Variants in PDE4B observed in about 807,000 individuals in gnomAD.
The protein encoded by PDE4B is phosphodiesterase 4B.
In PDE4B, 20 loss-of-function variants were observed where a neutral mutation model predicts 82.2. The observed-to-expected ratio is 0.24, with a 90% CI of 0.17 to 0.35. The LOEUF (loss-of-function observed/expected upper bound fraction) is 0.35. PDE4B is among the 10% of genes least tolerant of loss of function. PDE4B has a pLI of 1.00. For synonymous variants in PDE4B, 320 were observed against 318.9 expected (o/e 1.00, Z -0.04); for missense variants, 655 against 907.2 (o/e 0.72, Z 3.57).
chr1:66,119,252 C>T (rs1645659489), intron 3 of PDE4B, among the ~76,000 whole-genome samples: 1 of 152,162 alleles, frequency 6.6e-6, no homozygotes, highest in South Asian at 2.1e-4. Context: ...CGGAAGACCT[C>T]TTTACCACGT....
intron 3 of PDE4B, among the ~76,000 whole-genome samples, chr1:66,010,538 TATC>T (rs1227548797): frequency 1.3e-5 from 2 of 151,536 alleles, no homozygotes; most frequent in Non-Finnish European, 1.5e-5. Flanking sequence ...AGTCAGATAA[TATC>T]ATACATAATG....
intron 3 of PDE4B, among the ~76,000 whole-genome samples, chr1:66,216,246 C>G (rs1650446691): frequency 6.6e-6 from 1 of 150,576 alleles, no homozygotes; most frequent in Non-Finnish European, 1.5e-5. Flanking sequence ...TTAAAATATC[C>G]TATCTATTTC....
At chr1:66,067,630 C>T (rs989348057) in intron 3 of PDE4B, among the ~76,000 whole-genome samples, 4 of 152,124 alleles carry the variant, frequency 2.6e-5, no homozygotes, top group Middle Eastern at 3.4e-3. Flanking sequence ...TTCTCCCATT[C>T]TGTAGGTTGC....
At chr1:66,192,442 T>C (rs1647900919) in intron 3 of PDE4B, among the ~76,000 whole-genome samples, 7 of 152,174 alleles carry the variant, frequency 4.6e-5, no homozygotes, top group Admixed American at 4.6e-4. Flanking sequence ...CTCCTAGCTC[T>C]TCTCACTGTA....
intron 3 of PDE4B, among the ~76,000 whole-genome samples, chr1:66,232,590 A>G (rs921729327): frequency 6.6e-6 from 1 of 152,214 alleles, no homozygotes; most frequent in Non-Finnish European, 1.5e-5. Context: ...GGGGCCCTCC[A>G]ACATTTAGAA....
At chr1:65,867,919 G>T (rs1646530148) in intron 1 of PDE4B, among the ~76,000 whole-genome samples, 1 of 152,092 alleles carries the variant, frequency 6.6e-6, no homozygotes, top group South Asian at 2.1e-4. Flanking sequence ...TTCTCCACTG[G>T]CTTTGATATT....
At chr1:65,874,550 A>G (rs536107353) in intron 1 of PDE4B, among the ~76,000 whole-genome samples, 2 of 152,316 alleles carry the variant, frequency 1.3e-5, no homozygotes, top group East Asian at 1.9e-4. Context: ...AAACTCTACT[A>G]CAAGGCTACA....
At chr1:66,104,947 G>T (rs1570244640) in intron 3 of PDE4B, among the ~76,000 whole-genome samples, 1 of 149,626 alleles carries the variant, frequency 6.7e-6, no homozygotes, top group Non-Finnish European at 1.5e-5. Context: ...AGTTTAATTA[G>T]ATCCCATTTG....
intron 3 of PDE4B, among the ~76,000 whole-genome samples, chr1:65,992,143 A>G (rs752753122): frequency 1.3e-5 from 2 of 152,144 alleles, no homozygotes; most frequent in Non-Finnish European, 2.9e-5. Context: ...AGGGAGGAAA[A>G]AAAAACTTCA....
chr1:66,122,152 T>C (rs1385002431), intron 3 of PDE4B, among the ~76,000 whole-genome samples: 3 of 152,208 alleles, frequency 2.0e-5, no homozygotes, highest in Non-Finnish European at 4.4e-5. Flanking sequence ...AATAGCTACT[T>C]AGCTTCTTTG....
At chr1:66,323,134 T>C (rs1659522128) in intron 7 of PDE4B, among the ~76,000 whole-genome samples, 1 of 152,156 alleles carries the variant, frequency 6.6e-6, no homozygotes, top group Non-Finnish European at 1.5e-5. Context: ...AGTTTTCCAG[T>C]TGCTTCCAGA....
At chr1:66,026,355 C>T (rs530981366) in intron 3 of PDE4B, among the ~76,000 whole-genome samples, 1 of 152,272 alleles carries the variant, frequency 6.6e-6, no homozygotes, top group South Asian at 2.1e-4. Context: ...GTCTAGCTAA[C>T]ATTGTGCCTC....
intron 1 of PDE4B, among the ~76,000 whole-genome samples, chr1:65,867,683 C>G (rs1646527019): frequency 6.6e-6 from 1 of 152,186 alleles, no homozygotes; most frequent in Non-Finnish European, 1.5e-5. Flanking sequence ...AAGCACTAGA[C>G]TATACTATAA....
intron 1 of PDE4B, among the ~76,000 whole-genome samples, chr1:65,856,557 C>T (rs1038617613): frequency 2.6e-5 from 4 of 152,146 alleles, no homozygotes; most frequent in Non-Finnish European, 5.9e-5. Flanking sequence ...ATATGTGCCA[C>T]ATTTTCTTTA....
chr1:66,349,224 A>ATG (rs1241856298), intron 8 of PDE4B, among the ~76,000 whole-genome samples: 1 of 152,180 alleles, frequency 6.6e-6, no homozygotes, highest in Non-Finnish European at 1.5e-5. Flanking sequence ...GCCTTTTAAT[A>ATG]TGTCACTTGA....
chr1:65,937,830 AG>A (rs1337642594), intron 3 of PDE4B, among the ~76,000 whole-genome samples: 1 of 152,176 alleles, frequency 6.6e-6, no homozygotes, highest in Non-Finnish European at 1.5e-5. Flanking sequence ...AAAGGTGCCT[AG>A]GATAGATTCT....
At chr1:66,256,456 A>G (rs1654235429) in intron 4 of PDE4B, among the ~76,000 whole-genome samples, 3 of 152,186 alleles carry the variant, frequency 2.0e-5, no homozygotes, top group Admixed American at 2.0e-4. Context: ...GACACAAATA[A>G]TGCTTACTCC....
chr1:66,365,675 C>T lies in PDE4B; in HGVS notation c.1293C>T (p.Phe431=). ...LLSTPALDAV[F]TDLEILAAIF... ...GTTTATTTGCCCGACAGGCTGTCTT[C>T]ACAGATTTGGAGATCCTGGCTGCCA... The change falls in exon 13 of 17, where the codon TTC becomes TTT. Residue 431 remains phenylalanine, a synonymous_variant. Coordinates refer to ENST00000341517, the MANE Select transcript of PDE4B (RefSeq NM_002600.4). 2 of 1,605,366 alleles carry T rather than the reference C, an allele frequency of 1.2e-6. No homozygotes were observed. The highest frequency in any genetic ancestry group is 8.5e-7 in the Non-Finnish European group (1 of 1,172,900).
intron 3 of PDE4B, among the ~76,000 whole-genome samples, chr1:66,192,087 T>G (rs555182647): frequency 6.6e-6 from 1 of 152,240 alleles, no homozygotes; most frequent in South Asian, 2.1e-4. Flanking sequence ...CTTCTTACAT[T>G]GATAACTATC....
Sources: allele counts gnomAD v4.1 joint callset (sites outside exome capture counted in the v4.1 genomes callset), GRCh38; gene constraint gnomAD v4.1.1; transcripts MANE v1.5; gene names NCBI Gene and HGNC (gene_info 2026-07-23, HGNC 2026-07-21).